Variants in MYO3B observed in about 807,000 individuals in gnomAD.
MYO3B encodes the protein myosin IIIB.
Under a neutral mutation model 174.6 loss-of-function variants are expected in MYO3B, and 156 were observed. That is an observed-to-expected ratio of 0.89 (90% CI 0.78 to 1.02). The LOEUF (loss-of-function observed/expected upper bound fraction) is 1.02, where lower values mean the gene tolerates loss of function less well. MYO3B is among the 50% of genes least tolerant of loss of function. MYO3B has a pLI of 0.00. For missense variants in MYO3B, 1,632 were observed against 1,639.4 expected, an observed-to-expected ratio of 1.00 and a Z score of 0.08; for synonymous variants, 563 against 569.1, an observed-to-expected ratio of 0.99 and a Z score of 0.15.
chr2:170,411,101 G>A (rs1399173237), intron 22 of MYO3B, among the ~76,000 whole-genome samples: 1 of 152,160 alleles, frequency 6.6e-6, no homozygotes, highest in Non-Finnish European at 1.5e-5. Context: ...CAGTTAACTT[G>A]AGGTTTTCTG....
At chr2:170,201,857 TA>T (rs1282877433) in intron 3 of MYO3B, among the ~76,000 whole-genome samples, 2 of 152,166 alleles carry the variant, frequency 1.3e-5, no homozygotes, top group African/African-American at 4.8e-5. Context: ...AACCTCGTTG[TA>T]ACTTAGTAAT....
intron 22 of MYO3B, among the ~76,000 whole-genome samples, chr2:170,418,552 T>G (rs1035375058): frequency 6.6e-6 from 1 of 152,174 alleles, no homozygotes; most frequent in Non-Finnish European, 1.5e-5. Flanking sequence ...CAGGAGCTCT[T>G]AATAACAGCC....
At chr2:170,200,073 C>T (rs1358086696) in intron 2 of MYO3B, 77 bp from the exon 3 acceptor site, 2 of 1,410,642 alleles carry the variant, frequency 1.4e-6, no homozygotes, top group African/African-American at 1.4e-5. Flanking sequence ...TTACTAAGTA[C>T]TTGAGCATGA....
chr2:170,346,360 G>C (rs2094015972), intron 8 of MYO3B: 1 of 152,140 alleles, frequency 6.6e-6, no homozygotes, highest in South Asian at 2.1e-4. Flanking sequence ...TGTGGTCGAA[G>C]ACAATTCTTC....
chr2:170,241,255 G>A (rs2093129410), intron 7 of MYO3B, among the ~76,000 whole-genome samples: 2 of 152,120 alleles, frequency 1.3e-5, no homozygotes, highest in African/African-American at 2.4e-5. Context: ...TTAGGAGGAA[G>A]CAATAGAATA....
At chr2:170,420,894 C>A (rs908360550) in intron 22 of MYO3B, among the ~76,000 whole-genome samples, 1 of 152,160 alleles carries the variant, frequency 6.6e-6, no homozygotes, top group Admixed American at 6.5e-5. Flanking sequence ...CCCTGCCCTT[C>A]CTCTGCCTCC....
At chr2:170,469,422 G>A (rs1014365277) in intron 25 of MYO3B, among the ~76,000 whole-genome samples, 2 of 152,204 alleles carry the variant, frequency 1.3e-5, no homozygotes, top group Non-Finnish European at 2.9e-5. Context: ...CTCGCTGGAT[G>A]AGAGACCTGC....
At chr2:170,212,966 C>T (rs1206490833) in intron 3 of MYO3B, among the ~76,000 whole-genome samples, 3 of 152,230 alleles carry the variant, frequency 2.0e-5, no homozygotes, top group Non-Finnish European at 4.4e-5. Context: ...CTTTTAGAAT[C>T]TGGTGAAAGC....
chr2:170,338,974 G>A (rs2093961954), intron 8 of MYO3B, among the ~76,000 whole-genome samples: 1 of 152,156 alleles, frequency 6.6e-6, no homozygotes, highest in African/African-American at 2.4e-5. Flanking sequence ...CCTATCAAAT[G>A]CAGTTTGACC....
At chr2:170,475,156 A>G (rs1685240889) in intron 25 of MYO3B, among the ~76,000 whole-genome samples, 1 of 152,090 alleles carries the variant, frequency 6.6e-6, no homozygotes. Flanking sequence ...TGACTCTCTC[A>G]CCCATGATGT....
intron 30 of MYO3B, among the ~76,000 whole-genome samples, chr2:170,529,460 T>C (rs1164428731): frequency 2.6e-5 from 4 of 152,114 alleles, no homozygotes; most frequent in Non-Finnish European, 5.9e-5. Context: ...TTCCTTTTTT[T>C]TCTTTCTTCT....
At chr2:170,575,714 G>A (rs1692743515) in intron 32 of MYO3B, among the ~76,000 whole-genome samples, 1 of 152,084 alleles carries the variant, frequency 6.6e-6, no homozygotes, top group Admixed American at 6.5e-5. Flanking sequence ...AAGATTATAG[G>A]CAGTCCTTAC....
chr2:170,510,821 A>G (rs1687932055), intron 28 of MYO3B, among the ~76,000 whole-genome samples: 2 of 152,148 alleles, frequency 1.3e-5, no homozygotes, highest in South Asian at 2.1e-4. Context: ...TGACACTGTA[A>G]ATGGAGTCAT....
At chr2:170,575,805 T>C (rs946562056) in intron 32 of MYO3B, among the ~76,000 whole-genome samples, 3 of 152,308 alleles carry the variant, frequency 2.0e-5, no homozygotes, top group Admixed American at 1.3e-4. Flanking sequence ...GGAAAAAGCA[T>C]TTTTTAAAAG....
Position 170,187,184 on chromosome 2 carries a change from T to C in MYO3B, c.2+8895T>C, listed in dbSNP as rs573618701. ...TCTGCTCTGATCTTTATTATTTCTTTTCTTATAGTAATTTTGGTTTTGGTT... is the reference window on the plus strand; with the variant it reads ...TCTGCTCTGATCTTTATTATTTCTTCTCTTATAGTAATTTTGGTTTTGGTT... On this transcript the variant is annotated intron_variant, in intron 1 of 34. Transcript: ENST00000408978. 4.6e-5 allele frequency among the ~76,000 whole-genome samples: 7 copies of C among 152,218 alleles called. No individual in the cohort carries two copies. The South Asian group carries it at 1.5e-3, about 32-fold the overall frequency.
Position 170,426,095 on chromosome 2 carries a change from A to G in MYO3B, c.2651-17872A>G, listed in dbSNP as rs1033432860. Among the ~76,000 whole-genome samples, 3 of 148,174 alleles carry G rather than the reference A, an allele frequency of 2.0e-5. No homozygotes were observed. In the East Asian group the frequency reaches 5.9e-4, roughly 29 times the overall value. ...TAATCTCTGATTTTTTTTTTTTTAC[A>G]ATAAAGCAGTAGATAACATTTGTTT... On this transcript the variant is annotated intron_variant, in intron 22 of 34. Coordinates refer to ENST00000408978, the MANE Select transcript of MYO3B (RefSeq NM_138995.5).
chr2:170,188,338 G>T (rs2092495395), intron 1 of MYO3B, among the ~76,000 whole-genome samples: 2 of 152,018 alleles, frequency 1.3e-5, no homozygotes. Flanking sequence ...TCCCAAAGTA[G>T]TTATATTCAG....
chr2:170,422,083 C>A (rs2094619832), intron 22 of MYO3B, among the ~76,000 whole-genome samples: 1 of 152,228 alleles, frequency 6.6e-6, no homozygotes, highest in Non-Finnish European at 1.5e-5. Context: ...GCTTCCACAT[C>A]TGCAAATTGA....
chr2:170,519,384 G>A, intron 29 of MYO3B, 54 bp from the exon 30 acceptor site: 1 of 1,488,402 alleles, frequency 6.7e-7, no homozygotes, highest in Non-Finnish European at 9.3e-7. Context: ...GGCACCAAAA[G>A]CTAACCCTAC....
Sources: allele counts gnomAD v4.1 joint callset (sites outside exome capture counted in the v4.1 genomes callset), GRCh38; gene constraint gnomAD v4.1.1; transcripts MANE v1.5; gene names NCBI Gene and HGNC (gene_info 2026-07-23, HGNC 2026-07-21).